LRPAP1: variants seen among roughly 807,000 people sequenced by gnomAD.
The protein encoded by LRPAP1 is alpha-2-macroglobulin receptor-associated protein.
A neutral mutation model predicts 39.9 loss-of-function variants in LRPAP1; 41 were observed. That is an observed-to-expected ratio of 1.03 (90% CI 0.80 to 1.33). The LOEUF is 1.33. Ranked by LOEUF, LRPAP1 falls within the 40% of genes most tolerant of loss-of-function variation. The probability of loss-of-function intolerance (pLI) is 0.00; values close to 1 mark genes in which losing one functional copy is unlikely to be tolerated. For missense variants in LRPAP1, 565 were observed against 482.3 expected (o/e 1.17, Z -1.61); for synonymous variants, 263 against 212.7 (o/e 1.24, Z -2.06).
rs1560251872 is a variant in LRPAP1, at chr4:3,512,741, G to A, written c.*233C>T. ...GTGACTGCCACGCTGATGCTGAGTG[G>A]AAGCCAAGCCCCTTCAGTCAGAGCT... On this transcript the variant is annotated 3_prime_UTR_variant, in exon 8 of 8. Transcript: ENST00000650182. The A allele has an allele frequency of 1.3e-5, 7 of 542,940 alleles. No individual in the cohort carries two copies. In the East Asian group the frequency reaches 2.1e-4, roughly 16 times the overall value. 33.6% of individuals were successfully genotyped at this position (542,940 alleles called of 1,614,324 possible).
Position 3,509,942 on chromosome 4 carries a change from A to G in LRPAP1, c.*3032T>C, listed in dbSNP as rs1219533013. 6.6e-6 allele frequency: 1 copy of G among 152,158 alleles called. No homozygotes were observed. The highest frequency in any genetic ancestry group is 1.5e-5 in the Non-Finnish European group (1 of 68,058). 9.4% of individuals were successfully genotyped at this position (152,158 alleles called of 1,614,324 possible). On this transcript the variant is annotated 3_prime_UTR_variant, in exon 8 of 8. Transcript: ENST00000650182. ...TCAAGACATTCAGAAAAGGTATTCA[A>G]AAATGCGTTCAAGGGAATTGCTATT...
intron 2 of LRPAP1, among the ~76,000 whole-genome samples, chr4:3,522,233 G>A (rs914355665): frequency 1.2e-4 from 18 of 152,218 alleles, no homozygotes; most frequent in Admixed American, 3.3e-4. Flanking sequence ...CGGGGAGGGT[G>A]GGCCATGTCC....
At position 3,512,837 on chromosome 4, in the gene LRPAP1, G is replaced by A; in HGVS notation, c.*137C>T. 1 of 702,588 alleles carries A rather than the reference G, an allele frequency of 1.4e-6. No homozygotes were observed. The highest frequency in any genetic ancestry group is 2.4e-6 in the Non-Finnish European group (1 of 424,710). 43.5% of individuals were successfully genotyped at this position (702,588 alleles called of 1,614,324 possible). A position where few individuals can be genotyped will look rare whatever the true frequency, so the allele number is the denominator to read the frequency against. ...GCGACGGCAGCGGCTGCAGTCACCA[G>A]AAACAATCCTTCCTGCCTCGACACC... On this transcript the variant is annotated 3_prime_UTR_variant, in exon 8 of 8. Coordinates refer to ENST00000650182, the MANE Select transcript of LRPAP1 (RefSeq NM_002337.4).
intron 6 of LRPAP1, chr4:3,515,744 C>T: frequency 3.6e-6 from 1 of 276,406 alleles, no homozygotes; most frequent in Admixed American, 5.0e-5. Flanking sequence ...CCTCCCTGGG[C>T]CTCCATCTCA....
rs1400668848 is a variant in LRPAP1 at position 3,506,775 on chromosome 4, T to TA, written c.*6198dup. Reference sequence around the variant, plus strand: ...TAGAAAGACCACTAGAACGGAAAAATAAAAAATAAAAATTAGATTTCATCA... The same window carrying TA: ...TAGAAAGACCACTAGAACGGAAAAATAAAAAAATAAAAATTAGATTTCATCA... On this transcript the variant is annotated 3_prime_UTR_variant, in exon 8 of 8. Coordinates refer to ENST00000650182, the MANE Select transcript of LRPAP1 (RefSeq NM_002337.4). 6.6e-6 allele frequency: 1 copy of TA among 151,892 alleles called. No homozygotes were observed. The highest frequency in any genetic ancestry group is 2.4e-5 in the African/African-American group (1 of 41,352). The allele number at this position is 151,892 out of a possible 1,614,324, so 9.4% of individuals were successfully genotyped here. A position where few individuals can be genotyped will look rare whatever the true frequency, so the allele number is the denominator to read the frequency against.
Position 3,510,686 on chromosome 4 carries a change from C to G in LRPAP1, c.*2288G>C, listed in dbSNP as rs1034288987. 1.3e-5 allele frequency: 2 copies of G among 152,322 alleles called. No individual in the cohort carries two copies. The highest frequency in any genetic ancestry group is 4.8e-5 in the African/African-American group (2 of 41,476). The allele number at this position is 152,322 out of a possible 1,614,324, so 9.4% of individuals were successfully genotyped here. A position where few individuals can be genotyped will look rare whatever the true frequency, so the allele number is the denominator to read the frequency against. On this transcript the variant is annotated 3_prime_UTR_variant, in exon 8 of 8. Coordinates refer to ENST00000650182, the MANE Select transcript of LRPAP1 (RefSeq NM_002337.4). ...AGGCCGCCACGCGGCAATCAGGAGT[C>G]TGCCGCTGATCCACGCAAAAGCCTG...
rs539255809 is a variant in LRPAP1, at chr4:3,523,814, C to G, written c.349+1093G>C. Among the ~76,000 whole-genome samples, 256 of 152,346 alleles carry G rather than the reference C, an allele frequency of 1.7e-3. 4 individuals carry two copies. Among genetic ancestry groups the G allele is most frequent in the African/African-American group, 5.9e-3 (244 of 41,572 alleles). On this transcript the variant is annotated intron_variant, in intron 2 of 7. Transcript: ENST00000650182. ...ACATGGCCAGGGCTCTGGGGCCACC[C>G]TCACGACAGCAACAAGTGCGATGGC... is the stretch of plus-strand genomic sequence containing the variant.
At chr4:3,524,877 C>A (rs748250766) in intron 2 of LRPAP1, 30 bp downstream of exon 2, 1 of 1,608,924 alleles carries the variant, frequency 6.2e-7, no homozygotes, top group South Asian at 1.1e-5. Flanking sequence ...GAGGGATACT[C>A]GACCTGCATT....
intron 1 of LRPAP1, among the ~76,000 whole-genome samples, chr4:3,531,558 T>G (rs1478176214): frequency 6.6e-6 from 1 of 152,232 alleles, no homozygotes; most frequent in African/African-American, 2.4e-5. Flanking sequence ...ATTAGGAAGC[T>G]GTTGTCCCGG....
At chr4:3,516,816 C>T (rs868095393) in intron 5 of LRPAP1, among the ~76,000 whole-genome samples, 1 of 152,222 alleles carries the variant, frequency 6.6e-6, no homozygotes, top group South Asian at 2.1e-4. Context: ...TGGAGCCCCG[C>T]AACAGTGGCC....
Position 3,509,197 on chromosome 4 carries a change from A to G in LRPAP1, c.*3777T>C, listed in dbSNP as rs1285705486. The G allele has an allele frequency of 5.9e-5, 9 of 152,318 alleles. No homozygotes were observed. The highest frequency in any genetic ancestry group is 1.2e-4 in the Non-Finnish European group (8 of 68,076). The allele number at this position is 152,318 out of a possible 1,614,324, so 9.4% of individuals were successfully genotyped here. A position where few individuals can be genotyped will look rare whatever the true frequency, so the allele number is the denominator to read the frequency against. ...ATGAACTCAATACCTGGAGTCATAC[A>G]TGGCAGTCAACGCATGGACACCGGA... On this transcript the variant is annotated 3_prime_UTR_variant, in exon 8 of 8. Transcript: ENST00000650182.
chr4:3,529,319 T>G (rs868451978), intron 1 of LRPAP1, among the ~76,000 whole-genome samples: 1 of 151,172 alleles, frequency 6.6e-6, no homozygotes, highest in African/African-American at 2.4e-5. Context: ...TGAGACTCTG[T>G]CTCAAAAAAA....
rs377269752 is a variant in LRPAP1, at chr4:3,520,993, G to A, written c.350-800C>T. 4.5e-4 allele frequency among the ~76,000 whole-genome samples: 69 copies of A among 152,346 alleles called. 1 individual carries two copies. The East Asian group carries it at 0.012, about 27-fold the overall frequency. On this transcript the variant is annotated intron_variant, in intron 2 of 7. Coordinates refer to ENST00000650182, the MANE Select transcript of LRPAP1 (RefSeq NM_002337.4). ...CCAACAGGACAAGTCCTGCACTTGGGATGTGAGAGCAGAGCCTGGGGGCTG... is the reference window on the plus strand; with the variant it reads ...CCAACAGGACAAGTCCTGCACTTGGAATGTGAGAGCAGAGCCTGGGGGCTG...
chr4:3,512,898 C>T lies in LRPAP1; in HGVS notation c.*76G>A. 1.4e-6 allele frequency: 2 copies of T among 1,389,094 alleles called. No individual in the cohort carries two copies. The highest frequency in any genetic ancestry group is 2.0e-6 in the Non-Finnish European group (2 of 1,011,096). The allele number at this position is 1,389,094 out of a possible 1,614,324, so 86.0% of individuals were successfully genotyped here. ...CCAGCCACCCTGACGGCGGGCTGTCCACGGAAATGCCACGGCCAAGAGCCC... is the reference window on the plus strand; with the variant it reads ...CCAGCCACCCTGACGGCGGGCTGTCTACGGAAATGCCACGGCCAAGAGCCC... On this transcript the variant is annotated 3_prime_UTR_variant, in exon 8 of 8. Coordinates refer to ENST00000650182, the MANE Select transcript of LRPAP1 (RefSeq NM_002337.4).
intron 1 of LRPAP1, among the ~76,000 whole-genome samples, chr4:3,531,035 G>A (rs1465667175): frequency 2.0e-5 from 3 of 152,066 alleles, no homozygotes; most frequent in Non-Finnish European, 4.4e-5. Context: ...CCCTGCTGCT[G>A]GGAGGCCATC....
Position 3,503,751 on chromosome 4 carries a change from C to G in LRPAP1, c.*9223G>C, listed in dbSNP as rs1376671695. On this transcript the variant is annotated 3_prime_UTR_variant, in exon 8 of 8. Coordinates refer to ENST00000650182, the MANE Select transcript of LRPAP1 (RefSeq NM_002337.4). ...TGTTTCACAAAACAACAGCAGACAA[C>G]AGAGATTTCCAACTCCAGCAATGAC... The G allele has an allele frequency of 6.6e-6, 1 of 152,266 alleles. No homozygotes were observed. The highest frequency in any genetic ancestry group is 2.4e-5 in the African/African-American group (1 of 41,470). The allele number at this position is 152,266 out of a possible 1,614,324, so 9.4% of individuals were successfully genotyped here.
At position 3,509,001 on chromosome 4, in the gene LRPAP1, T is replaced by C. The variant is rs1479630078; in HGVS notation, c.*3973A>G. 2 of 152,228 alleles carry C rather than the reference T, an allele frequency of 1.3e-5. No homozygotes were observed. The highest frequency in any genetic ancestry group is 2.4e-5 in the African/African-American group (1 of 41,442). The allele number at this position is 152,228 out of a possible 1,614,324, so 9.4% of individuals were successfully genotyped here. ...CCACGAGTCCACAGAAACACCGCCA[T>C]GGCCAAGGCGGGAGTTTAGGGCACA... is the stretch of plus-strand genomic sequence containing the variant. On this transcript the variant is annotated 3_prime_UTR_variant, in exon 8 of 8. Coordinates refer to ENST00000650182, the MANE Select transcript of LRPAP1 (RefSeq NM_002337.4).
At chr4:3,525,650 G>A (rs1387320261) in intron 1 of LRPAP1, among the ~76,000 whole-genome samples, 2 of 152,108 alleles carry the variant, frequency 1.3e-5, no homozygotes, top group Non-Finnish European at 2.9e-5. Context: ...GCAGCGCCCC[G>A]GAACGAGCTG....
At position 3,510,234 on chromosome 4, in the gene LRPAP1, G is replaced by A. The variant is rs1729467588; in HGVS notation, c.*2740C>T. Reference sequence around the variant, plus strand: ...ATCACTTGAGCCCAGATCAAGACCTGCCTGGGCAACATAGTAAAACCCCGT... The same window carrying A: ...ATCACTTGAGCCCAGATCAAGACCTACCTGGGCAACATAGTAAAACCCCGT... On this transcript the variant is annotated 3_prime_UTR_variant, in exon 8 of 8. Transcript: ENST00000650182. 1.3e-5 allele frequency: 2 copies of A among 152,090 alleles called. No homozygotes were observed. Among genetic ancestry groups the A allele is most frequent in the Admixed American group, 6.6e-5 (1 of 15,262 alleles). The allele number at this position is 152,090 out of a possible 1,614,324, so 9.4% of individuals were successfully genotyped here.
Sources: gnomAD v4.1 joint callset for allele counts (sites outside exome capture counted in the v4.1 genomes callset) on GRCh38, gnomAD v4.1.1 for gene constraint, MANE v1.5 for transcripts, NCBI Gene and HGNC (gene_info 2026-07-23, HGNC 2026-07-21) for gene names.